MROH9: variants seen among roughly 807,000 people sequenced by gnomAD.
The protein encoded by MROH9 is maestro heat like repeat family member 9, also known as maestro heat-like repeat-containing protein family member 9.
A neutral mutation model predicts 98.2 loss-of-function variants in MROH9; 92 were observed. The ratio of observed to expected loss-of-function variants is 0.94; its 90% CI spans 0.79 to 1.11. MROH9 has a LOEUF of 1.11. Among genes scored for constraint, MROH9 ranks in the 50% most tolerant of loss-of-function variants. MROH9 has a pLI of 0.00. For synonymous variants in MROH9, 397 were observed against 368.9 expected, an observed-to-expected ratio of 1.08 and a Z score of -0.87; for missense variants, 1,057 against 1,014.8, an observed-to-expected ratio of 1.04 and a Z score of -0.57.
At chr1:171,006,410 G>C (rs1165452100) in intron 15 of MROH9, among the ~76,000 whole-genome samples, 2 of 151,930 alleles carry the variant, frequency 1.3e-5, no homozygotes, top group African/African-American at 4.8e-5. Flanking sequence ...TCTTCTTTGA[G>C]TTGATCTTAG....
intron 1 of MROH9, among the ~76,000 whole-genome samples, chr1:170,942,241 G>A (rs1012871124): frequency 1.3e-5 from 2 of 151,960 alleles, no homozygotes; most frequent in Admixed American, 6.6e-5. Context: ...TCTGCAATTT[G>A]AGTCTAGTTA....
Position 170,999,203 on chromosome 1 carries a change from G to T in MROH9, c.1596+929G>T, listed in dbSNP as rs187360938. 1.0e-3 allele frequency among the ~76,000 whole-genome samples: 159 copies of T among 152,034 alleles called. 1 individual carries two copies. The highest frequency in any genetic ancestry group is 3.6e-3 in the African/African-American group (151 of 41,448). ...CCCATAAGTTATTGGGGTACAGGTG[G>T]TATTTGGTTACATGAGTAAATTCTT... On this transcript the variant is annotated intron_variant, in intron 15 of 21. Transcript: ENST00000367759.
At chr1:170,998,370 T>G in intron 15 of MROH9, 96 bp downstream of exon 15, 1 of 1,611,462 alleles carries the variant, frequency 6.2e-7, no homozygotes, top group Non-Finnish European at 8.5e-7. Flanking sequence ...TCCCTCTGAA[T>G]GTTGGTTCTT....
At chr1:171,010,213 T>G (rs993139915) in intron 15 of MROH9, among the ~76,000 whole-genome samples, 4 of 152,194 alleles carry the variant, frequency 2.6e-5, no homozygotes, top group African/African-American at 9.7e-5. Flanking sequence ...TCTGTTCTTG[T>G]GATAGTTTGC....
chr1:171,031,722 T>C (rs912731867), intron 20 of MROH9, among the ~76,000 whole-genome samples: 12 of 152,184 alleles, frequency 7.9e-5, no homozygotes, highest in Non-Finnish European at 1.6e-4. Flanking sequence ...TTTTCCTTCA[T>C]TTCAAGCTTG....
intron 20 of MROH9, among the ~76,000 whole-genome samples, chr1:171,049,662 C>G (rs944729801): frequency 3.9e-5 from 6 of 151,996 alleles, no homozygotes; most frequent in Middle Eastern, 3.4e-3. Flanking sequence ...TCTTTACCCA[C>G]TTTTTAATGA....
At position 170,935,950 on chromosome 1, in the gene MROH9, C is replaced by A. The variant is rs1278152947; in HGVS notation, c.-38+363C>A. On this transcript the variant is annotated intron_variant, in intron 1 of 21. Transcript: ENST00000367759. ...GAGGTTGCAGTGAGCCGAGATCATGCTACTGCACTCCAGCCTGGCAACAGA... is the reference window on the plus strand; with the variant it reads ...GAGGTTGCAGTGAGCCGAGATCATGATACTGCACTCCAGCCTGGCAACAGA... Among the ~76,000 whole-genome samples the A allele has an allele frequency of 3.2e-5, 4 of 123,630 alleles. No homozygotes were observed. The East Asian group carries it at 9.7e-4, about 30-fold the overall frequency. The allele number at this position is 123,630 out of a possible 152,430, so 81.1% of individuals were successfully genotyped here. A position where few individuals can be genotyped will look rare whatever the true frequency, so the allele number is the denominator to read the frequency against.
intron 20 of MROH9, among the ~76,000 whole-genome samples, chr1:171,057,295 A>G (rs983138391): frequency 3.3e-5 from 5 of 152,254 alleles, no homozygotes; most frequent in Non-Finnish European, 7.3e-5. Context: ...GCTGAAAAAC[A>G]CAGCACAAGA....
At chr1:171,047,031 A>G (rs919914938) in intron 20 of MROH9, among the ~76,000 whole-genome samples, 6 of 152,170 alleles carry the variant, frequency 3.9e-5, no homozygotes, top group Admixed American at 3.9e-4. Flanking sequence ...GTCTGCTGCC[A>G]GATGTATTGG....
chr1:171,025,851 G>A (rs927448318), intron 20 of MROH9, among the ~76,000 whole-genome samples: 2 of 151,752 alleles, frequency 1.3e-5, no homozygotes, highest in African/African-American at 2.4e-5. Context: ...GTGGAAACAG[G>A]CAGGGGCAAC....
At chr1:171,034,607 A>G (rs914730709) in intron 20 of MROH9, among the ~76,000 whole-genome samples, 4 of 152,216 alleles carry the variant, frequency 2.6e-5, no homozygotes, top group Non-Finnish European at 5.9e-5. Flanking sequence ...TGCTTGTCCC[A>G]TCTAGAATCC....
At chr1:171,050,517 A>G (rs1653629826) in intron 20 of MROH9, among the ~76,000 whole-genome samples, 1 of 152,190 alleles carries the variant, frequency 6.6e-6, no homozygotes, top group African/African-American at 2.4e-5. Flanking sequence ...TGATTTCAGT[A>G]TGTTGATTTG....
chr1:170,991,899 C>T (rs972474823), intron 11 of MROH9, among the ~76,000 whole-genome samples: 3 of 152,104 alleles, frequency 2.0e-5, no homozygotes, highest in African/African-American at 7.2e-5. Context: ...GCTAGACAGA[C>T]ATTTAAATTG....
At chr1:171,042,026 G>T (rs550062999) in intron 20 of MROH9, among the ~76,000 whole-genome samples, 60 of 151,974 alleles carry the variant, frequency 3.9e-4, no homozygotes, top group South Asian at 3.9e-3. Flanking sequence ...ATGTGCAATT[G>T]TTATTATTGG....
At chr1:171,004,849 C>T (rs1200437031) in intron 15 of MROH9, among the ~76,000 whole-genome samples, 1 of 151,950 alleles carries the variant, frequency 6.6e-6, no homozygotes, top group African/African-American at 2.4e-5. Flanking sequence ...TGTTTTCAGG[C>T]CAGGACCATA....
At position 171,052,577 on chromosome 1, in the gene MROH9, G is replaced by A. The variant is rs140733097; in HGVS notation, c.2282-9555G>A. ...GCACCAAGTTCTCTACTCAGAAAGG[G>A]AAGGGTGGTTTAGGTTCCTAATCCA... On this transcript the variant is annotated intron_variant, in intron 20 of 21. Transcript: ENST00000367759. Among the ~76,000 whole-genome samples the A allele has an allele frequency of 2.2e-3, 330 of 152,298 alleles. 1 individual carries two copies. Among genetic ancestry groups the A allele is most frequent in the African/African-American group, 7.7e-3 (322 of 41,558 alleles).
chr1:170,941,828 G>A (rs1012578845), intron 1 of MROH9, among the ~76,000 whole-genome samples: 10 of 152,254 alleles, frequency 6.6e-5, no homozygotes, highest in Admixed American at 3.9e-4. Flanking sequence ...CGGCGTGAGG[G>A]ACTAGGTCTT....
intron 7 of MROH9, among the ~76,000 whole-genome samples, chr1:170,965,535 C>T (rs1650200659): frequency 6.6e-6 from 1 of 152,120 alleles, no homozygotes. Flanking sequence ...CCTCTGTAGA[C>T]CACAATTTGT....
intron 20 of MROH9, among the ~76,000 whole-genome samples, chr1:171,053,863 C>T (rs1653744161): frequency 6.6e-6 from 1 of 151,886 alleles, no homozygotes; most frequent in Admixed American, 6.6e-5. Context: ...AAGATAATAT[C>T]AGACATGGCT....
Sources: gnomAD v4.1 joint callset for allele counts (sites outside exome capture counted in the v4.1 genomes callset) on GRCh38, gnomAD v4.1.1 for gene constraint, MANE v1.5 for transcripts, NCBI Gene and HGNC (gene_info 2026-07-23, HGNC 2026-07-21) for gene names.